The following FER1L6 variants were observed in gnomAD, a reference collection of about 807,000 sequenced individuals.
FER1L6 encodes the protein fer-1-like protein 6.
Under a neutral mutation model 219.2 loss-of-function variants are expected in FER1L6, and 177 were observed. The observed-to-expected ratio is 0.81, with a 90% CI of 0.71 to 0.91. FER1L6 has a LOEUF of 0.91. Among genes scored for constraint, FER1L6 ranks in the 40% least tolerant of loss-of-function variants. FER1L6 has a pLI of 0.00. For missense variants in FER1L6, 2,153 were observed against 2,259.9 expected, an observed-to-expected ratio of 0.95 and a Z score of 0.96; for synonymous variants, 768 against 824.3, an observed-to-expected ratio of 0.93 and a Z score of 1.17.
intron 22 of FER1L6, among the ~76,000 whole-genome samples, chr8:124,054,457 A>G (rs1035980062): frequency 1.3e-5 from 2 of 152,224 alleles, no homozygotes; most frequent in Admixed American, 6.5e-5. Flanking sequence ...TCAAAACTTG[A>G]TATTTCCCAA....
chr8:123,996,402 T>C (rs1405883718), intron 12 of FER1L6, among the ~76,000 whole-genome samples: 1 of 152,128 alleles, frequency 6.6e-6, no homozygotes, highest in African/African-American at 2.4e-5. Context: ...TGGTCTCTTT[T>C]CATAATTTTT....
intron 28 of FER1L6, among the ~76,000 whole-genome samples, chr8:124,069,056 C>T (rs1218682531): frequency 6.6e-6 from 1 of 152,034 alleles, no homozygotes; most frequent in Non-Finnish European, 1.5e-5. Context: ...CCTGCCTCAG[C>T]CTCCCGAGTA....
intron 13 of FER1L6, among the ~76,000 whole-genome samples, chr8:124,005,156 C>T (rs1817602233): frequency 6.6e-6 from 1 of 152,182 alleles, no homozygotes; most frequent in African/African-American, 2.4e-5. Flanking sequence ...CCTTACATTA[C>T]TAGAAAACAA....
At chr8:124,103,897 C>T (rs1323534263) in intron 39 of FER1L6, among the ~76,000 whole-genome samples, 1 of 152,182 alleles carries the variant, frequency 6.6e-6, no homozygotes, top group African/African-American at 2.4e-5. Flanking sequence ...ATAGCAGGGT[C>T]TTTTTTCTGC....
chr8:123,951,091 T>C (rs905473490), intron 1 of FER1L6, among the ~76,000 whole-genome samples: 1 of 152,266 alleles, frequency 6.6e-6, no homozygotes, highest in Non-Finnish European at 1.5e-5. Context: ...TAAGAAATTA[T>C]TTTAAATTTC....
chr8:123,924,233 C>CAAAAAAAA (rs71289625), intron 1 of FER1L6, among the ~76,000 whole-genome samples: 13 of 66,956 alleles, frequency 1.9e-4, no homozygotes, highest in South Asian at 6.7e-4. Flanking sequence ...GACTCAGTAT[C>CAAAAAAAA]AAAAAAAAAA....
chr8:124,073,217 A>G (rs1821151505), intron 31 of FER1L6, among the ~76,000 whole-genome samples: 1 of 152,216 alleles, frequency 6.6e-6, no homozygotes, highest in African/African-American at 2.4e-5. Context: ...TCATTCAGAA[A>G]ATATCTACTG....
At chr8:124,071,742 T>C (rs1821083134) in intron 31 of FER1L6, 111 bp downstream of exon 31, 1 of 1,336,552 alleles carries the variant, frequency 7.5e-7, no homozygotes, top group Non-Finnish European at 1.0e-6. Flanking sequence ...TTTCCCACAG[T>C]TTTGAATGCC....
intron 1 of FER1L6, among the ~76,000 whole-genome samples, chr8:123,882,753 G>A (rs527786837): frequency 7.2e-5 from 11 of 152,264 alleles, no homozygotes; most frequent in African/African-American, 2.2e-4. Flanking sequence ...AATAGAGTAC[G>A]GAGGATTTTT....
chr8:123,900,983 C>T (rs954466020), intron 1 of FER1L6, among the ~76,000 whole-genome samples: 1 of 152,004 alleles, frequency 6.6e-6, no homozygotes, highest in Non-Finnish European at 1.5e-5. Context: ...TATGTCCTTC[C>T]CTGGTTTTGG....
At chr8:123,949,513 A>G (rs4871448) in intron 1 of FER1L6, among the ~76,000 whole-genome samples, 35,287 of 152,098 alleles carry the variant, frequency 0.23, 4,906 homozygotes, top group East Asian at 0.41. Flanking sequence ...TTCAAAACCA[A>G]TTGAGAAAGA....
rs1816010587 is a variant in FER1L6, at chr8:123,975,163, C to A, written c.540C>A (p.Cys180Ter). The A allele has an allele frequency of 6.2e-7, 1 of 1,603,452 alleles. No homozygotes were observed. The highest frequency in any genetic ancestry group is 8.5e-7 in the Non-Finnish European group (1 of 1,175,080). The change falls in exon 8 of 41, where the codon TGC becomes TGA. Residue 180 changes from cysteine (C) to a stop codon, truncating the protein, a stop_gained. Transcript: ENST00000522917. LOFTEE classifies it high-confidence loss of function. ...TVYNQPGHQFCNKWALLTDPG... is the reference protein window; with the variant it reads ...TVYNQPGHQF ...GTGCTTTCACAGGTCATCAGTTCTG[C>A]AACAAGTGGGCCCTGCTCACAGACC...
intron 27 of FER1L6, among the ~76,000 whole-genome samples, chr8:124,067,533 C>T (rs1000421553): frequency 6.6e-6 from 1 of 152,164 alleles, no homozygotes; most frequent in African/African-American, 2.4e-5. Flanking sequence ...ATGTCTATAG[C>T]TTGATCATAC....
intron 22 of FER1L6, among the ~76,000 whole-genome samples, chr8:124,054,605 T>C (rs987334890): frequency 1.3e-5 from 2 of 152,320 alleles, no homozygotes; most frequent in Non-Finnish European, 2.9e-5. Context: ...ACTACTTTTG[T>C]AGCCTCACAT....
chr8:123,952,780 A>G (rs1015203218), intron 1 of FER1L6, among the ~76,000 whole-genome samples: 1 of 152,214 alleles, frequency 6.6e-6, no homozygotes, highest in Non-Finnish European at 1.5e-5. Context: ...GATAATGTGT[A>G]TAAAATGATG....
At chr8:123,973,640 T>C (rs547755245) in intron 7 of FER1L6, 128 bp downstream of exon 7, 44 of 732,812 alleles carry the variant, frequency 6.0e-5, no homozygotes, top group Non-Finnish European at 9.7e-5. Flanking sequence ...TTATACAAAG[T>C]TGAATGAGAC....
chr8:124,098,648 C>T (rs1208198387), intron 37 of FER1L6, among the ~76,000 whole-genome samples: 1 of 152,136 alleles, frequency 6.6e-6, no homozygotes, highest in African/African-American at 2.4e-5. Context: ...TTTTAACAAA[C>T]AGACTTAAGA....
chr8:123,898,808 T>C (rs559780163), intron 1 of FER1L6, among the ~76,000 whole-genome samples: 19 of 141,888 alleles, frequency 1.3e-4, no homozygotes, highest in Admixed American at 7.9e-4. Flanking sequence ...TATATACACA[T>C]ATATATACAT....
intron 1 of FER1L6, among the ~76,000 whole-genome samples, chr8:123,953,568 C>A (rs1216670127): frequency 6.6e-6 from 1 of 152,164 alleles, no homozygotes; most frequent in East Asian, 1.9e-4. Flanking sequence ...TTCAGCCATG[C>A]CCCAATGCAT....
Sources: allele counts gnomAD v4.1 joint callset (sites outside exome capture counted in the v4.1 genomes callset), GRCh38; gene constraint gnomAD v4.1.1; transcripts MANE v1.5; gene names NCBI Gene and HGNC (gene_info 2026-07-23, HGNC 2026-07-21).